The following TMTC2 variants were observed in gnomAD, a reference collection of about 807,000 sequenced individuals.
The protein encoded by TMTC2 is transmembrane O-mannosyltransferase targeting cadherins 2, also known as protein O-mannosyl-transferase TMTC2.
TMTC2 carries 43 observed loss-of-function variants against 82.4 expected under a neutral mutation model. That is an observed-to-expected ratio of 0.52 (90% CI 0.41 to 0.67). The LOEUF is 0.67. TMTC2 is among the 30% of genes least tolerant of loss of function. The probability of loss-of-function intolerance (pLI) is 0.00; values close to 1 mark genes in which losing one functional copy is unlikely to be tolerated. For missense variants in TMTC2, 919 were observed against 1,012.4 expected (o/e 0.91, Z 1.25); for synonymous variants, 408 against 381.9 (o/e 1.07, Z -0.80).
intron 1 of TMTC2, among the ~76,000 whole-genome samples, chr12:82,691,895 T>A (rs545133809): frequency 1.8e-4 from 27 of 152,368 alleles, no homozygotes; most frequent in African/African-American, 6.0e-4. Context: ...AAGTATGGTC[T>A]TACTCTTCAG....
chr12:83,028,702 G>A (rs1881284957), intron 8 of TMTC2, among the ~76,000 whole-genome samples: 1 of 152,062 alleles, frequency 6.6e-6, no homozygotes, highest in South Asian at 2.1e-4. Context: ...AACAAGTGTG[G>A]GAGCTGTTCT....
intron 7 of TMTC2, among the ~76,000 whole-genome samples, chr12:82,976,242 T>C (rs1223789967): frequency 6.6e-6 from 1 of 152,156 alleles, no homozygotes; most frequent in East Asian, 1.9e-4. Flanking sequence ...GATCCCTAGT[T>C]GTAAATAGAG....
intron 1 of TMTC2, among the ~76,000 whole-genome samples, chr12:82,701,589 TAAAAAA>T (rs763176928): frequency 2.2e-5 from 2 of 91,902 alleles, no homozygotes; most frequent in Non-Finnish European, 4.4e-5. Context: ...CCGTCTTTAC[TAAAAAA>T]AAAAAAAAAA....
chr12:82,976,068 C>A (rs1878657289), intron 7 of TMTC2, among the ~76,000 whole-genome samples: 1 of 152,146 alleles, frequency 6.6e-6, no homozygotes, highest in African/African-American at 2.4e-5. Flanking sequence ...AATATGCACA[C>A]ACACCACACT....
At chr12:82,805,308 G>C (rs1592535812) in intron 1 of TMTC2, among the ~76,000 whole-genome samples, 1 of 152,058 alleles carries the variant, frequency 6.6e-6, no homozygotes, top group East Asian at 1.9e-4. Context: ...TGGGAGCTAA[G>C]AACATAAAGT....
chr12:83,024,091 G>C (rs1314035011), intron 8 of TMTC2, among the ~76,000 whole-genome samples: 2 of 152,154 alleles, frequency 1.3e-5, no homozygotes, highest in Non-Finnish European at 2.9e-5. Context: ...AGCTAGAAGA[G>C]AGGATTTGAA....
At chr12:82,761,705 C>G (rs572575536) in intron 1 of TMTC2, among the ~76,000 whole-genome samples, 42 of 152,190 alleles carry the variant, frequency 2.8e-4, no homozygotes, top group African/African-American at 9.9e-4. Context: ...CCAGGAGTCC[C>G]ATTAATGCTA....
chr12:82,709,082 ATT>A (rs34138059), intron 1 of TMTC2, among the ~76,000 whole-genome samples: 2 of 141,748 alleles, frequency 1.4e-5, no homozygotes, highest in African/African-American at 2.6e-5. Context: ...CTGTGATAGG[ATT>A]TTTTTTTTTT....
rs371439518 is a variant in TMTC2 at position 82,811,092 on chromosome 12, C to A, written c.84-45918C>A. Among the ~76,000 whole-genome samples the A allele has an allele frequency of 2.0e-4, 30 of 151,956 alleles. No homozygotes were observed. The East Asian group carries it at 2.5e-3, about 13-fold the overall frequency. ...TAAAAATACAAAAAAATTAGCCAGG[C>A]GTGGTGGCCTGTAATCCCAGCTACT... On this transcript the variant is annotated intron_variant, in intron 1 of 11. Coordinates refer to ENST00000321196, the MANE Select transcript of TMTC2 (RefSeq NM_152588.3).
chr12:82,809,519 C>T (rs999201705), intron 1 of TMTC2, among the ~76,000 whole-genome samples: 4 of 152,062 alleles, frequency 2.6e-5, no homozygotes, highest in African/African-American at 4.8e-5. Flanking sequence ...TGAGATTGCA[C>T]ACCAGAATTT....
chr12:82,791,509 G>C (rs966974013), intron 1 of TMTC2, among the ~76,000 whole-genome samples: 21 of 152,014 alleles, frequency 1.4e-4, no homozygotes, highest in Admixed American at 2.0e-4. Flanking sequence ...TGGTACAAAG[G>C]CTTTTCCTCC....
intron 1 of TMTC2, among the ~76,000 whole-genome samples, chr12:82,804,393 A>G (rs1413962833): frequency 2.6e-5 from 4 of 152,124 alleles, no homozygotes; most frequent in Non-Finnish European, 5.9e-5. Flanking sequence ...TTTCTTTGAA[A>G]AATCATGGTG....
chr12:82,847,197 T>A lies in TMTC2; in HGVS notation c.84-9813T>A, dbSNP rs553997975. Among the ~76,000 whole-genome samples, 6 of 152,280 alleles carry A rather than the reference T, an allele frequency of 3.9e-5. No individual in the cohort carries two copies. The South Asian group carries it at 1.2e-3, about 32-fold the overall frequency. The stretch of plus-strand genomic sequence containing the variant: ...CTAAAGAGGTACTCTAATGAAGGGA[T>A]TATAGGTTAAGTGGCAAATGAGTGC... On this transcript the variant is annotated intron_variant, in intron 1 of 11. Transcript: ENST00000321196.
At chr12:83,064,068 A>G (rs576451960) in intron 11 of TMTC2, among the ~76,000 whole-genome samples, 2 of 151,936 alleles carry the variant, frequency 1.3e-5, no homozygotes, top group East Asian at 3.9e-4. Context: ...AATGCTGTGA[A>G]TATACATAAT....
At chr12:82,993,110 G>A (rs1250843767) in intron 8 of TMTC2, among the ~76,000 whole-genome samples, 2 of 151,880 alleles carry the variant, frequency 1.3e-5, no homozygotes, top group African/African-American at 4.8e-5. Flanking sequence ...TCAGCCTCCC[G>A]AATACCTGAG....
chr12:82,911,928 G>T (rs1247183288), intron 3 of TMTC2, among the ~76,000 whole-genome samples: 1 of 152,112 alleles, frequency 6.6e-6, no homozygotes, highest in Non-Finnish European at 1.5e-5. Flanking sequence ...GATTTGGTTA[G>T]ACAGTACCTA....
At chr12:82,952,935 G>C (rs534462839) in intron 4 of TMTC2, among the ~76,000 whole-genome samples, 1 of 152,262 alleles carries the variant, frequency 6.6e-6, no homozygotes, top group African/African-American at 2.4e-5. Flanking sequence ...GGAAGAGGTT[G>C]GTTGTCAAGT....
At chr12:83,077,468 T>C (rs1485182384) in intron 11 of TMTC2, among the ~76,000 whole-genome samples, 1 of 152,238 alleles carries the variant, frequency 6.6e-6, no homozygotes, top group Non-Finnish European at 1.5e-5. Flanking sequence ...TATAAGGATG[T>C]CTTCAATTCT....
intron 3 of TMTC2, among the ~76,000 whole-genome samples, chr12:82,926,094 G>A (rs1415688212): frequency 1.3e-5 from 2 of 151,144 alleles, no homozygotes; most frequent in Non-Finnish European, 2.9e-5. Context: ...CGATTCCCCT[G>A]CCTCGCCTCC....
Sources: allele counts gnomAD v4.1 joint callset (sites outside exome capture counted in the v4.1 genomes callset), GRCh38; gene constraint gnomAD v4.1.1; transcripts MANE v1.5; gene names NCBI Gene and HGNC (gene_info 2026-07-23, HGNC 2026-07-21).